The following PRR12 variants were observed in gnomAD, a reference collection of about 807,000 sequenced individuals.
The protein encoded by PRR12 is proline-rich protein 12.
In PRR12, 12 loss-of-function variants were observed where a neutral mutation model predicts 138.0. The observed-to-expected ratio is 0.09, with a 90% CI of 0.06 to 0.14. The LOEUF is 0.14. PRR12 is among the 10% of genes least tolerant of loss of function. PRR12 has a pLI of 1.00. For synonymous variants in PRR12, 1,567 were observed against 1,291.7 expected, an observed-to-expected ratio of 1.21 and a Z score of -4.57; for missense variants, 2,692 against 2,861.3, an observed-to-expected ratio of 0.94 and a Z score of 1.35.
intron 5 of PRR12, among the ~76,000 whole-genome samples, chr19:49,600,649 T>A (rs1248011219): frequency 6.6e-6 from 1 of 151,376 alleles, no homozygotes; most frequent in Non-Finnish European, 1.5e-5. Context: ...CAAGACCCTG[T>A]CTTAAACAAA....
chr19:49,596,826 G>A lies in PRR12; in HGVS notation c.2491G>A (p.Gly831Arg). Residue 831 changes from glycine to arginine, a missense_variant, in exon 4 of 14, where the codon GGG becomes AGG. Gly to Arg is a moderately radical substitution (Grantham distance 125, BLOSUM62 -2). Coordinates refer to ENST00000418929, the MANE Select transcript of PRR12 (RefSeq NM_020719.3). This position sits in a 1 kb window ranked among gnomAD's most constrained non-coding sequence, Gnocchi z 5.6. ...VHLLEPATRDGAPQPPPPPPP... is the reference protein window; with the variant it reads ...VHLLEPATRDRAPQPPPPPPP... ...CCTCCTTGAGCCAGCCACCCGCGATGGGGCACCCCAGCCACCTCCACCGCC... is the reference window on the plus strand; with the variant it reads ...CCTCCTTGAGCCAGCCACCCGCGATAGGGCACCCCAGCCACCTCCACCGCC... 3 of 1,597,088 alleles carry A rather than the reference G, an allele frequency of 1.9e-6. No homozygotes were observed. The highest frequency in any genetic ancestry group is 2.2e-5 in the East Asian group (1 of 44,752).
Position 49,610,487 on chromosome 19 carries a change from G to A in PRR12, c.4774-4046G>A, listed in dbSNP as rs538373042. Among the ~76,000 whole-genome samples, 40 of 152,030 alleles carry A rather than the reference G, an allele frequency of 2.6e-4. No individual in the cohort carries two copies. The South Asian group carries it at 7.5e-3, about 28-fold the overall frequency. On this transcript the variant is annotated intron_variant, in intron 6 of 13. Transcript: ENST00000418929. ...CTGTAATCCCAACACATTGCGGCCT[G>A]AGGTGGGAGGTTTGCACGAACCTGG...
chr19:49,604,534 C>T (rs946077972), intron 6 of PRR12, among the ~76,000 whole-genome samples: 36 of 151,790 alleles, frequency 2.4e-4, no homozygotes, highest in African/African-American at 8.0e-4. Context: ...AACAATTAGC[C>T]GGGCATGGTG....
Position 49,596,487 on chromosome 19 carries a change from C to A in PRR12, c.2152C>A (p.Leu718Met), listed in dbSNP as rs368659022. 6.2e-7 allele frequency: 1 copy of A among 1,610,756 alleles called. No homozygotes were observed. Among genetic ancestry groups the A allele is most frequent in the East Asian group, 2.2e-5 (1 of 44,870 alleles). The stretch of plus-strand genomic sequence containing the variant: ...CCTGGATGAGGGTGCCACTGCGGCA[C>A]TGGAGCTGGGCCTGGGGAGGCTGAA... ...ASLDEGATAALELGLGRLKEK... is the reference protein window; with the variant it reads ...ASLDEGATAAMELGLGRLKEK... The change falls in exon 4 of 14, where the codon CTG (leucine) becomes ATG (methionine). Residue 718 changes from leucine (L) to methionine (M), a missense_variant. Leu to Met is a conservative substitution (Grantham distance 15, BLOSUM62 2). Coordinates refer to ENST00000418929, the MANE Select transcript of PRR12 (RefSeq NM_020719.3). This position sits in a 1 kb window ranked among gnomAD's most constrained non-coding sequence, Gnocchi z 5.6.
chr19:49,602,007 AC>A, intron 6 of PRR12, 89 bp downstream of exon 6: 1 of 1,482,606 alleles, frequency 6.7e-7, no homozygotes, highest in Non-Finnish European at 9.1e-7. Flanking sequence ...TTGTGCTGAG[AC>A]CTGCAGATCC....
At position 49,621,584 on chromosome 19, in the gene PRR12, A is replaced by G; in HGVS notation, c.5683A>G (p.Lys1895Glu). The change falls in exon 11 of 14, where the codon AAA becomes GAA. Residue 1895 changes from lysine (K) to glutamate (E), a missense_variant. By Grantham distance (56) the Lys-to-Glu change is moderately conservative. Coordinates refer to ENST00000418929, the MANE Select transcript of PRR12 (RefSeq NM_020719.3). ...IDGLLNEHKK[K>E]VLKRLSLSPA... ...CGGCCTGCTGAATGAGCACAAGAAG[A>G]AAGTCCTGAAGCGGCTGTCGCTAAG... 1 of 1,604,974 alleles carries G rather than the reference A, an allele frequency of 6.2e-7. No individual in the cohort carries two copies. The highest frequency in any genetic ancestry group is 1.1e-5 in the South Asian group (1 of 89,284).
chr19:49,597,708 G>C lies in PRR12; in HGVS notation c.3373G>C (p.Val1125Leu), dbSNP rs202038770. 4 of 1,606,618 alleles carry C rather than the reference G, an allele frequency of 2.5e-6. No individual in the cohort carries two copies. The East Asian group carries it at 6.7e-5, about 27-fold the overall frequency. Residue 1125 changes from valine to leucine, a missense_variant, in exon 4 of 14, where the codon GTC (valine) becomes CTC (leucine). By Grantham distance (32) the Val-to-Leu change is conservative. This residue lies in a region of PRR12 where 326 missense variants were observed against 344.2 expected (regional missense o/e 0.95). Coordinates refer to ENST00000418929, the MANE Select transcript of PRR12 (RefSeq NM_020719.3). The surrounding 1 kb of genome is among the most constrained non-coding windows in gnomAD (Gnocchi z 6.3). ...CAACCCCCGGCGCTTGCCTGACCTG[G>C]TCTCCAGCTGCCGCTCCCGTCCGGC... ...RLNPRRLPDLVSSCRSRPALS... is the reference protein window; with the variant it reads ...RLNPRRLPDLLSSCRSRPALS...
chr19:49,618,772 A>T (rs1347105142), intron 9 of PRR12, among the ~76,000 whole-genome samples: 1 of 142,600 alleles, frequency 7.0e-6, no homozygotes, highest in East Asian at 2.2e-4. Flanking sequence ...ACCCTTTCCC[A>T]GGCCTGCCCA....
intron 6 of PRR12, among the ~76,000 whole-genome samples, chr19:49,604,742 A>T (rs2122326356): frequency 6.6e-6 from 1 of 152,278 alleles, no homozygotes; most frequent in Non-Finnish European, 1.5e-5. Flanking sequence ...TCCATCTCCA[A>T]GTTTTATCTT....
At chr19:49,622,501 A>G (rs1376509395) in intron 11 of PRR12, among the ~76,000 whole-genome samples, 1 of 151,408 alleles carries the variant, frequency 6.6e-6, no homozygotes, top group East Asian at 1.9e-4. Context: ...CTGAGGCAGG[A>G]GAATCAGTTG....
intron 11 of PRR12, among the ~76,000 whole-genome samples, chr19:49,622,951 A>AGAGAGG (rs1555744537): frequency 1.7e-5 from 2 of 114,480 alleles, no homozygotes; most frequent in African/African-American, 8.3e-5. Flanking sequence ...AGAGAGAGAG[A>AGAGAGG]GAGAGAAAGA....
intron 2 of PRR12, among the ~76,000 whole-genome samples, chr19:49,593,786 ATTCT>A (rs1225650396): frequency 1.3e-5 from 2 of 151,654 alleles, no homozygotes; most frequent in Non-Finnish European, 2.9e-5. Flanking sequence ...GGAACTCTGA[ATTCT>A]TTCTTCCTGA....
In PRR12 at chr19:49,625,748, A is replaced by G. The variant is rs1273930662; in HGVS notation, c.*141A>G. The G allele has an allele frequency of 3.5e-6, 4 of 1,155,160 alleles. No individual in the cohort carries two copies. The highest frequency in any genetic ancestry group is 2.1e-5 in the South Asian group (1 of 47,332). 71.6% of individuals were successfully genotyped at this position (1,155,160 alleles called of 1,614,324 possible). On this transcript the variant is annotated 3_prime_UTR_variant, in exon 14 of 14. Transcript: ENST00000418929. The surrounding 1 kb of genome is among the most constrained non-coding windows in gnomAD (Gnocchi z 5.5). ...AGGGTGTGTCTGTGCTGCCCCCTCC[A>G]GGGCAGGGTTCAAAGTCCGACTCCC...
intron 6 of PRR12, among the ~76,000 whole-genome samples, chr19:49,606,164 C>A (rs913269171): frequency 1.3e-5 from 2 of 151,978 alleles, no homozygotes; most frequent in Admixed American, 6.6e-5. Flanking sequence ...CCATGCCTGG[C>A]AAATTTTTTT....
chr19:49,600,115 T>C (rs978794748), intron 5 of PRR12, among the ~76,000 whole-genome samples, 177 bp downstream of exon 5: 2 of 152,346 alleles, frequency 1.3e-5, no homozygotes, highest in East Asian at 1.9e-4. Flanking sequence ...GTCTATCTTT[T>C]TCTAATTCAC....
chr19:49,593,838 G>C (rs932724623), intron 2 of PRR12, among the ~76,000 whole-genome samples: 1 of 151,804 alleles, frequency 6.6e-6, no homozygotes, highest in Non-Finnish European at 1.5e-5. Context: ...TCTCTGGCCC[G>C]CCCTGTTTTA....
chr19:49,594,595 G>T lies in PRR12; in HGVS notation c.341G>T (p.Arg114Leu). 1 of 1,612,174 alleles carries T rather than the reference G, an allele frequency of 6.2e-7. No homozygotes were observed. Among genetic ancestry groups the T allele is most frequent in the Non-Finnish European group, 8.5e-7 (1 of 1,179,568 alleles). The part of the protein sequence containing the change: ...PSASSLLSQF[R>L]SPSWQTAMHT... ...GCCTCCTCTCTCCTCTCCCAGTTCC[G>T]CAGTCCTTCCTGGCAAACAGGTAAG... The change falls in exon 3 of 14, where the codon CGC (arginine) becomes CTC (leucine). Residue 114 changes from arginine (R) to leucine (L), a missense_variant. This residue lies in a region of PRR12 where 211 missense variants were observed against 266.3 expected (regional missense o/e 0.79). Coordinates refer to ENST00000418929, the MANE Select transcript of PRR12 (RefSeq NM_020719.3). This position sits in a 1 kb window ranked among gnomAD's most constrained non-coding sequence, Gnocchi z 5.6.
At chr19:49,621,016 G>C (rs1482369772) in intron 10 of PRR12, among the ~76,000 whole-genome samples, 12 of 124,672 alleles carry the variant, frequency 9.6e-5, no homozygotes, top group South Asian at 3.2e-4. Context: ...GAGGGAGGAG[G>C]GGCTGGGGTC....
rs889619503 is a variant in PRR12 at position 49,625,251 on chromosome 19, T to C, written c.5964+51T>C. 8.9e-5 allele frequency: 140 copies of C among 1,574,144 alleles called. No individual in the cohort carries two copies. Among genetic ancestry groups the C allele is most frequent in the Non-Finnish European group, 1.2e-4 (134 of 1,146,106 alleles). ...GCCCTGGGATTCCAACCTTTCTGAC[T>C]TCCTCTTGGGATCTGAGGGTCCAAG... On this transcript the variant is annotated intron_variant, in intron 13 of 13. Coordinates refer to ENST00000418929, the MANE Select transcript of PRR12 (RefSeq NM_020719.3). The surrounding 1 kb of genome is among the most constrained non-coding windows in gnomAD (Gnocchi z 5.5).
Sources: gnomAD v4.1 joint callset for allele counts (sites outside exome capture counted in the v4.1 genomes callset) on GRCh38, gnomAD v4.1.1 for gene constraint, gnomAD v4.1.1 regional missense constraint, Gnocchi (gnomAD v3.1) non-coding constraint, MANE v1.5 for transcripts, NCBI Gene and HGNC (gene_info 2026-07-23, HGNC 2026-07-21) for gene names.